The following PRPF19 variants were observed in gnomAD, a reference collection of about 807,000 sequenced individuals.
PRPF19 encodes pre-mRNA-processing factor 19.
In PRPF19, 2 loss-of-function variants were observed where a neutral mutation model predicts 64.2. The observed-to-expected ratio is 0.03, with a 90% confidence interval of 0.01 to 0.10. The LOEUF is 0.10. PRPF19 is among the 10% of genes least tolerant of loss of function. PRPF19 has a pLI of 1.00. For synonymous variants in PRPF19, 226 were observed against 251.6 expected (o/e 0.90, Z 0.96); for missense variants, 314 against 650.0 (o/e 0.48, Z 5.62).
chr11:60,904,132 G>A (rs1339178889), intron 1 of PRPF19, among the ~76,000 whole-genome samples: 1 of 152,260 alleles, frequency 6.6e-6, no homozygotes, highest in East Asian at 1.9e-4. Flanking sequence ...ACTACTATGT[G>A]CCAAGCACCT....
At position 60,898,468 on chromosome 11, in the gene PRPF19, C is replaced by A; in HGVS notation, c.1140+73G>T. On this transcript the variant is annotated intron_variant, in intron 13 of 15. Transcript: ENST00000227524. This position sits in a 1 kb window ranked among gnomAD's most constrained non-coding sequence, Gnocchi z 4.6. The stretch of plus-strand genomic sequence containing the variant: ...CCTTCAGGGCCAGGTGCCACAAGCA[C>A]CTAATTAGCACTGCATTGTCACAAA... 1.2e-6 allele frequency: 2 copies of A among 1,607,986 alleles called. No homozygotes were observed.
At position 60,906,573 on chromosome 11, in the gene PRPF19, C is replaced by G. The variant is rs1366081036; in HGVS notation, c.-191G>C. On this transcript the variant is annotated 5_prime_UTR_variant, in exon 1 of 16. Coordinates refer to ENST00000227524, the MANE Select transcript of PRPF19 (RefSeq NM_014502.5). ...CAGCCGCGCGCCACAGCCTTCAGCA[C>G]CTAACGGAAATTGCCCTTTCCCAGA... 1.8e-5 allele frequency: 10 copies of G among 554,204 alleles called. No individual in the cohort carries two copies. Among genetic ancestry groups the G allele is most frequent in the Non-Finnish European group, 3.1e-5 (10 of 321,286 alleles). 34.3% of individuals were successfully genotyped at this position (554,204 alleles called of 1,614,324 possible). A position where few individuals can be genotyped will look rare whatever the true frequency, so the allele number is the denominator to read the frequency against.
chr11:60,906,249 C>G, intron 1 of PRPF19, 115 bp downstream of exon 1: 2 of 1,419,390 alleles, frequency 1.4e-6, no homozygotes, highest in African/African-American at 1.5e-5. Flanking sequence ...CGCTCGGCCT[C>G]CGGAGCGCCC....
Position 60,903,324 on chromosome 11 carries a change from G to C in PRPF19, c.246+135C>G, listed in dbSNP as rs1311573804. ...CTGCTCTCAGTGCTGGGGATACAACGAAGAATAAAACAAATCCCTGATGTC... is the reference window on the plus strand; with the variant it reads ...CTGCTCTCAGTGCTGGGGATACAACCAAGAATAAAACAAATCCCTGATGTC... On this transcript the variant is annotated intron_variant, in intron 3 of 15. Transcript: ENST00000227524. 11 of 989,816 alleles carry C rather than the reference G, an allele frequency of 1.1e-5. No individual in the cohort carries two copies. In the South Asian group the frequency reaches 1.7e-4, roughly 15 times the overall value. 61.3% of individuals were successfully genotyped at this position (989,816 alleles called of 1,614,324 possible).
At chr11:60,893,303 A>G (rs755911827) in intron 15 of PRPF19, among the ~76,000 whole-genome samples, 2 of 151,756 alleles carry the variant, frequency 1.3e-5, no homozygotes, top group African/African-American at 4.8e-5. Flanking sequence ...CAGCCTGGCC[A>G]ACATAGTGAA....
At chr11:60,896,450 G>A (rs966486985) in intron 15 of PRPF19, among the ~76,000 whole-genome samples, 4 of 152,174 alleles carry the variant, frequency 2.6e-5, no homozygotes, top group East Asian at 1.9e-4. Context: ...TAATCCCCAC[G>A]TGTTGTGGGA....
In PRPF19 at chr11:60,905,672, C is replaced by T. The variant is rs183961757; in HGVS notation, c.19+692G>A. 5.4e-4 allele frequency among the ~76,000 whole-genome samples: 83 copies of T among 152,332 alleles called. 2 individuals are homozygous for T. In the East Asian group the frequency reaches 0.015, roughly 28 times the overall value. ...CTAGCTACGCATCCTTAGATAAGCCCCGCTCTTCCTGCGCCTTGCATCCTC... is the reference window on the plus strand; with the variant it reads ...CTAGCTACGCATCCTTAGATAAGCCTCGCTCTTCCTGCGCCTTGCATCCTC... On this transcript the variant is annotated intron_variant, in intron 1 of 15. Coordinates refer to ENST00000227524, the MANE Select transcript of PRPF19 (RefSeq NM_014502.5).
chr11:60,892,323 C>T (rs1334727431), intron 15 of PRPF19, among the ~76,000 whole-genome samples: 1 of 152,224 alleles, frequency 6.6e-6, no homozygotes, highest in African/African-American at 2.4e-5. Flanking sequence ...CTATAAATTA[C>T]ATCAGTGCCC....
chr11:60,904,065 GA>G (rs1856015746), intron 1 of PRPF19, among the ~76,000 whole-genome samples: 1 of 152,104 alleles, frequency 6.6e-6, no homozygotes, highest in South Asian at 2.1e-4. Flanking sequence ...TCTCCTGACT[GA>G]GGAGATAGTC....
chr11:60,893,346 A>C (rs1855884430), intron 15 of PRPF19, among the ~76,000 whole-genome samples: 1 of 151,950 alleles, frequency 6.6e-6, no homozygotes, highest in African/African-American at 2.4e-5. Flanking sequence ...AAGTACAAAA[A>C]AAAAAAAATT....
chr11:60,900,392 A>G (rs1244158533), intron 10 of PRPF19, among the ~76,000 whole-genome samples, 190 bp downstream of exon 10: 1 of 152,196 alleles, frequency 6.6e-6, no homozygotes, highest in Non-Finnish European at 1.5e-5. Context: ...CTGGAAGATC[A>G]CTGCTTTAGA....
At chr11:60,900,742 T>C (rs1855974939) in intron 9 of PRPF19, 51 bp from the exon 10 acceptor site, 2 of 1,566,040 alleles carry the variant, frequency 1.3e-6, no homozygotes, top group East Asian at 2.3e-5. Flanking sequence ...ACCCAGGCCC[T>C]TTTGCTCAAG....
Position 60,902,577 on chromosome 11 carries a change from A to G in PRPF19, c.462+6T>C, listed in dbSNP as rs1417797442. The stretch of plus-strand genomic sequence containing the variant: ...GGGCTGCTGGTAAGGGAAGGGGGAC[A>G]CTTACCACAACACTTGGTTGGGAAC... On this transcript the variant is annotated splice_donor_region_variant and intron_variant, in intron 5 of 15. Transcript: ENST00000227524. The surrounding 1 kb of genome is among the most constrained non-coding windows in gnomAD (Gnocchi z 5.0). 1 of 1,612,366 alleles carries G rather than the reference A, an allele frequency of 6.2e-7. No homozygotes were observed. Among genetic ancestry groups the G allele is most frequent in the Admixed American group, 1.7e-5 (1 of 60,028 alleles).
rs775046527 is a variant in PRPF19, at chr11:60,902,661, G to A, written c.389-5C>T. ...GTGGTTTCAGGGTAGCCAGAGCTGA[G>A]AGAAAAGACGATGTTAGAAATGGGA... On this transcript the variant is annotated splice_region_variant and splice_polypyrimidine_tract_variant and intron_variant, in intron 4 of 15. Coordinates refer to ENST00000227524, the MANE Select transcript of PRPF19 (RefSeq NM_014502.5). This position sits in a 1 kb window ranked among gnomAD's most constrained non-coding sequence, Gnocchi z 5.0. The A allele has an allele frequency of 6.2e-7, 1 of 1,614,206 alleles. No individual in the cohort carries two copies. The highest frequency in any genetic ancestry group is 1.7e-5 in the Admixed American group (1 of 60,028).
chr11:60,898,653 G>T lies in PRPF19; in HGVS notation c.1055-27C>A. The T allele has an allele frequency of 6.2e-7, 1 of 1,613,878 alleles. No individual in the cohort carries two copies. The highest frequency in any genetic ancestry group is 1.1e-5 in the South Asian group (1 of 90,972). On this transcript the variant is annotated intron_variant, in intron 12 of 15. Coordinates refer to ENST00000227524, the MANE Select transcript of PRPF19 (RefSeq NM_014502.5). The surrounding 1 kb of genome is among the most constrained non-coding windows in gnomAD (Gnocchi z 4.6). ...TGTGGAGGAGGGAAGAGAGACCTGT[G>T]GTCAGAGCCCACCAGGGAGAGAGAC...
chr11:60,893,668 A>T (rs1855887881), intron 15 of PRPF19, among the ~76,000 whole-genome samples: 1 of 152,110 alleles, frequency 6.6e-6, no homozygotes, highest in Non-Finnish European at 1.5e-5. Context: ...TATAAAAGTT[A>T]TGTTGGCCAG....
intron 15 of PRPF19, 160 bp downstream of exon 15, chr11:60,897,686 C>A: frequency 1.6e-6 from 1 of 608,990 alleles, no homozygotes; most frequent in Non-Finnish European, 2.9e-6. Flanking sequence ...GCCATGCAGT[C>A]TGACTCAGTT....
At chr11:60,900,729 C>T (rs1026856328) in intron 9 of PRPF19, 38 bp from the exon 10 acceptor site, 1 of 1,557,444 alleles carries the variant, frequency 6.4e-7, no homozygotes. Flanking sequence ...ATGAGTCAGG[C>T]CCACCCAGGC....
In PRPF19 at chr11:60,890,702, GCAGA is replaced by G. The variant is rs1342659296; in HGVS notation, c.*460_*463del. 4.4e-6 allele frequency: 2 copies of G among 455,540 alleles called. No homozygotes were observed. The highest frequency in any genetic ancestry group is 8.8e-6 in the Non-Finnish European group (2 of 226,582). 28.2% of individuals were successfully genotyped at this position (455,540 alleles called of 1,614,324 possible). A position where few individuals can be genotyped will look rare whatever the true frequency, so the allele number is the denominator to read the frequency against. On this transcript the variant is annotated 3_prime_UTR_variant, in exon 16 of 16. Transcript: ENST00000227524. ...CTTCCCAGTCCCAGGTGCTCCTGGT[GCAGA>G]CAGACACGGGGAGGTGGTTATGGTT...
Sources: gnomAD v4.1 joint callset for allele counts (sites outside exome capture counted in the v4.1 genomes callset) on GRCh38, gnomAD v4.1.1 for gene constraint, Gnocchi (gnomAD v3.1) non-coding constraint, MANE v1.5 for transcripts, NCBI Gene and HGNC (gene_info 2026-07-23, HGNC 2026-07-21) for gene names.